The following CDH12 variants were observed in gnomAD, a reference collection of about 807,000 sequenced individuals.
The protein encoded by CDH12 is cadherin-12.
A neutral mutation model predicts 74.1 loss-of-function variants in CDH12; 41 were observed. The ratio of observed to expected loss-of-function variants is 0.55; its 90% confidence interval spans 0.43 to 0.72. CDH12 has a LOEUF of 0.72. Ranked by LOEUF, CDH12 falls within the 30% of genes least tolerant of loss-of-function variation. The pLI is 0.00. For missense variants in CDH12, 945 were observed against 977.2 expected, an observed-to-expected ratio of 0.97 and a Z score of 0.44; for synonymous variants, 399 against 355.0, an observed-to-expected ratio of 1.12 and a Z score of -1.39.
intron 1 of CDH12, among the ~76,000 whole-genome samples, chr5:22,576,375 A>T (rs1198544550): frequency 1.3e-5 from 2 of 152,174 alleles, no homozygotes; most frequent in Non-Finnish European, 2.9e-5. Flanking sequence ...AGGGGTAAAG[A>T]GGCAACCTTC....
At chr5:22,124,438 C>A (rs1449858793) in intron 4 of CDH12, among the ~76,000 whole-genome samples, 3 of 151,962 alleles carry the variant, frequency 2.0e-5, no homozygotes, top group Non-Finnish European at 4.4e-5. Flanking sequence ...TTATTTTTTT[C>A]AAAACCAGCT....
intron 4 of CDH12, among the ~76,000 whole-genome samples, chr5:22,163,695 A>G (rs1748494074): frequency 6.6e-6 from 1 of 152,194 alleles, no homozygotes; most frequent in East Asian, 1.9e-4. Flanking sequence ...AACAACACCC[A>G]GGATCACACT....
intron 3 of CDH12, among the ~76,000 whole-genome samples, chr5:22,261,341 T>C (rs970799311): frequency 1.3e-5 from 2 of 152,004 alleles, no homozygotes; most frequent in African/African-American, 4.8e-5. Flanking sequence ...CCCATCACCA[T>C]TTCTCTATTT....
chr5:22,652,381 CTT>C (rs958208006), intron 1 of CDH12, among the ~76,000 whole-genome samples: 2 of 152,088 alleles, frequency 1.3e-5, no homozygotes, highest in African/African-American at 4.8e-5. Context: ...TTATCAAGGA[CTT>C]AGCATGTCAC....
At position 22,698,717 on chromosome 5, in the gene CDH12, ATATATATATATATATATAGT is replaced by A. The variant is rs1370536653; in HGVS notation, c.-523+154321_-523+154340del. The stretch of plus-strand genomic sequence containing the variant: ...TATATATATATATATATATATATAT[ATATATATATATATATATAGT>A]GTGTGTGTGTGTGTGTGTGTGTGTG... On this transcript the variant is annotated intron_variant, in intron 1 of 14. Coordinates refer to ENST00000382254, the MANE Select transcript of CDH12 (RefSeq NM_004061.5). 1.9e-3 allele frequency among the ~76,000 whole-genome samples: 58 copies of A among 30,752 alleles called. 4 individuals carry two copies. The highest frequency in any genetic ancestry group is 2.4e-3 in the African/African-American group (14 of 5,736). The allele number at this position is 30,752 out of a possible 152,430, so 20.2% of individuals were successfully genotyped here.
In CDH12 at chr5:21,762,439, G is replaced by A. The variant is rs760776744; in HGVS notation, c.1516-1764C>T. 1.1e-4 allele frequency among the ~76,000 whole-genome samples: 17 copies of A among 152,134 alleles called. 1 individual carries two copies. Among genetic ancestry groups the A allele is most frequent in the South Asian group, 6.2e-4 (3 of 4,812 alleles). On this transcript the variant is annotated intron_variant, in intron 12 of 14. Transcript: ENST00000382254. ...TAGCATAATCCAGGAGAGACAGTTC[G>A]TATGCATAGTTCTTAGACTAGGGGC...
intron 1 of CDH12, among the ~76,000 whole-genome samples, chr5:22,526,047 T>A (rs540138940): frequency 1.6e-4 from 25 of 152,276 alleles, no homozygotes; most frequent in East Asian, 1.9e-4. Flanking sequence ...CCTGCATAAA[T>A]CTTTCTTTCT....
At chr5:22,330,969 A>T (rs1739326064) in intron 3 of CDH12, among the ~76,000 whole-genome samples, 1 of 152,048 alleles carries the variant, frequency 6.6e-6, no homozygotes, top group South Asian at 2.1e-4. Flanking sequence ...CCACAAGCTG[A>T]TGGAACGGCC....
intron 2 of CDH12, among the ~76,000 whole-genome samples, chr5:22,416,978 A>G (rs773720202): frequency 4.6e-5 from 7 of 152,204 alleles, no homozygotes; most frequent in Non-Finnish European, 8.8e-5. Context: ...TATGGACTAC[A>G]TTTGATGTTC....
intron 1 of CDH12, among the ~76,000 whole-genome samples, chr5:22,654,503 T>C (rs1371017971): frequency 1.3e-5 from 2 of 152,074 alleles, no homozygotes; most frequent in Non-Finnish European, 2.9e-5. Context: ...TTAGCCAGGC[T>C]GGTCTCGAAC....
intron 4 of CDH12, among the ~76,000 whole-genome samples, chr5:22,180,491 TTTTTTTG>T (rs1749577259): frequency 1.4e-5 from 1 of 70,786 alleles, no homozygotes; most frequent in Middle Eastern, 8.1e-3. Context: ...GTTTTTGATT[TTTTTTTG>T]TTTATTTTTT....
At chr5:22,527,187 A>G (rs1429693482) in intron 1 of CDH12, among the ~76,000 whole-genome samples, 1 of 152,166 alleles carries the variant, frequency 6.6e-6, no homozygotes, top group Non-Finnish European at 1.5e-5. Context: ...GGGTAAAAGA[A>G]AGACTAGTAG....
At chr5:21,781,034 C>T (rs1337537784) in intron 11 of CDH12, among the ~76,000 whole-genome samples, 1 of 152,120 alleles carries the variant, frequency 6.6e-6, no homozygotes, top group Non-Finnish European at 1.5e-5. Context: ...AATATGACTG[C>T]TTGGTAGCTA....
intron 3 of CDH12, among the ~76,000 whole-genome samples, chr5:22,287,664 A>G (rs1160063165): frequency 2.7e-5 from 4 of 150,168 alleles, no homozygotes; most frequent in African/African-American, 4.9e-5. Flanking sequence ...CGGAGCTTGC[A>G]GTGAGCCGAG....
Position 22,019,787 on chromosome 5 carries a change from T to A in CDH12, c.232-44402A>T, listed in dbSNP as rs533873588. On this transcript the variant is annotated intron_variant, in intron 5 of 14. Coordinates refer to ENST00000382254, the MANE Select transcript of CDH12 (RefSeq NM_004061.5). ...CTTACATAATGGGCTGGATGCTGCATTCTTTGGATAAAACCATCAATAATT... is the reference window on the plus strand; with the variant it reads ...CTTACATAATGGGCTGGATGCTGCAATCTTTGGATAAAACCATCAATAATT... Among the ~76,000 whole-genome samples the A allele has an allele frequency of 1.6e-4, 25 of 152,298 alleles. No homozygotes were observed. The South Asian group carries it at 2.7e-3, about 16-fold the overall frequency.
At chr5:21,782,782 C>G (rs1019507808) in intron 11 of CDH12, among the ~76,000 whole-genome samples, 1 of 152,064 alleles carries the variant, frequency 6.6e-6, no homozygotes, top group Admixed American at 6.6e-5. Context: ...CTAGAGGATT[C>G]TTTTCTGAAC....
chr5:22,639,349 TA>T (rs1203262607), intron 1 of CDH12, among the ~76,000 whole-genome samples: 3 of 151,904 alleles, frequency 2.0e-5, no homozygotes, highest in African/African-American at 7.2e-5. Context: ...AGCTAAGTCC[TA>T]GTTCCAATAT....
chr5:22,181,993 C>T (rs1749673347), intron 4 of CDH12, among the ~76,000 whole-genome samples: 1 of 152,182 alleles, frequency 6.6e-6, no homozygotes, highest in Non-Finnish European at 1.5e-5. Context: ...CTCTGCTGCA[C>T]TCCATGCACT....
At chr5:21,913,842 C>A (rs1047020482) in intron 6 of CDH12, among the ~76,000 whole-genome samples, 1 of 151,932 alleles carries the variant, frequency 6.6e-6, no homozygotes. Context: ...CACCACCATA[C>A]CCAGCTAATA....
Sources: gnomAD v4.1 joint callset for allele counts (sites outside exome capture counted in the v4.1 genomes callset) on GRCh38, gnomAD v4.1.1 for gene constraint, MANE v1.5 for transcripts, NCBI Gene and HGNC (gene_info 2026-07-23, HGNC 2026-07-21) for gene names.